RP1: variants seen among roughly 807,000 people sequenced by gnomAD.
The protein encoded by RP1 is RP1 axonemal microtubule associated.
In RP1, 16 loss-of-function variants were observed where a neutral mutation model predicts 14.8. The ratio of observed to expected loss-of-function variants is 1.08; its 90% CI spans 0.73 to 1.65. The LOEUF (loss-of-function observed/expected upper bound fraction) is 1.65. RP1 is among the 40% of genes most tolerant of loss of function. The probability of loss-of-function intolerance (pLI) is 0.00; values close to 1 mark genes in which losing one functional copy is unlikely to be tolerated. For missense variants in RP1, 2,631 were observed against 2,535.0 expected, an observed-to-expected ratio of 1.04 and a Z score of -0.81; for synonymous variants, 876 against 883.6, an observed-to-expected ratio of 0.99 and a Z score of 0.15.
intron 3 of RP1, among the ~76,000 whole-genome samples, chr8:54,640,797 T>C (rs1237275994): frequency 6.6e-6 from 1 of 152,194 alleles, no homozygotes; most frequent in Non-Finnish European, 1.5e-5. Flanking sequence ...TATCTTATAC[T>C]ACTTAGAAGT....
chr8:54,618,637 C>A (rs1276191656), intron 1 of RP1, among the ~76,000 whole-genome samples: 3 of 152,072 alleles, frequency 2.0e-5, no homozygotes, highest in Admixed American at 2.0e-4. Flanking sequence ...AGACAGAGTT[C>A]TAAAGTCTTA....
chr8:54,725,512 T>A (rs570783029), intron 16 of RP1, among the ~76,000 whole-genome samples: 6 of 152,324 alleles, frequency 3.9e-5, no homozygotes, highest in African/African-American at 1.4e-4. Context: ...CTCTGTGTGA[T>A]AAGTGTCGCT....
chr8:54,842,831 T>G (rs1384111445), intron 25 of RP1, among the ~76,000 whole-genome samples: 1 of 152,156 alleles, frequency 6.6e-6, no homozygotes, highest in Admixed American at 6.5e-5. Context: ...CCCTCGTGGC[T>G]CTGGCTTGCA....
At chr8:54,670,674 TATATATA>T (rs1807155850) in intron 7 of RP1, among the ~76,000 whole-genome samples, 2 of 13,456 alleles carry the variant, frequency 1.5e-4, no homozygotes, top group Non-Finnish European at 2.4e-4. Flanking sequence ...TATGTTTTTA[TATATATA>T]TATATATATA....
chr8:54,701,208 T>C (rs1386703709), intron 13 of RP1, among the ~76,000 whole-genome samples: 1 of 152,178 alleles, frequency 6.6e-6, no homozygotes, highest in Non-Finnish European at 1.5e-5. Flanking sequence ...AATGATAAGA[T>C]ACATATTAGG....
In RP1 at chr8:54,621,552, G is replaced by T; in HGVS notation, c.586G>T (p.Val196Phe). ...GACAGAGGTCATGCAGCGCCCTGTG[G>T]TCAAGCTGTACGCTACGGACGGAAG... The part of the protein sequence containing the change: ...HLTEVMQRPV[V>F]KLYATDGRRV... The change falls in exon 2 of 4, where the codon GTC (valine) becomes TTC (phenylalanine). Residue 196 changes from valine (V) to phenylalanine (F), a missense_variant. Physicochemically the swap from Val to Phe is conservative, Grantham distance 50. Coordinates refer to ENST00000220676, the MANE Select transcript of RP1 (RefSeq NM_006269.2). 6.2e-7 allele frequency: 1 copy of T among 1,614,208 alleles called. No individual in the cohort carries two copies. The highest frequency in any genetic ancestry group is 8.5e-7 in the Non-Finnish European group (1 of 1,180,034).
chr8:54,603,552 T>C (rs901238796), intron 1 of RP1, among the ~76,000 whole-genome samples: 9 of 144,390 alleles, frequency 6.2e-5, no homozygotes, highest in African/African-American at 2.2e-4. Flanking sequence ...AACTTGAAAG[T>C]AGTTTTTTCC....
At chr8:54,820,785 G>C (rs1220148939) in intron 24 of RP1, among the ~76,000 whole-genome samples, 1 of 152,094 alleles carries the variant, frequency 6.6e-6, no homozygotes, top group Non-Finnish European at 1.5e-5. Context: ...TTCTTGTGTG[G>C]CTGGTTGTTC....
chr8:54,654,751 G>A (rs541723425), intron 5 of RP1, among the ~76,000 whole-genome samples: 10 of 152,110 alleles, frequency 6.6e-5, no homozygotes, highest in African/African-American at 2.2e-4. Context: ...AGGCTCAAGC[G>A]ATCCTCCCAC....
rs1455195002 is a variant in RP1 at position 54,783,766 on chromosome 8, C to T, written c.3615+56C>T. 4.1e-5 allele frequency: 45 copies of T among 1,110,284 alleles called. No individual in the cohort carries two copies. The East Asian group carries it at 8.7e-4, about 21-fold the overall frequency. 68.8% of individuals were successfully genotyped at this position (1,110,284 alleles called of 1,614,324 possible). A position where few individuals can be genotyped will look rare whatever the true frequency, so the allele number is the denominator to read the frequency against. On this transcript the variant is annotated intron_variant, in intron 24 of 28. Transcript: ENST00000637698. ...TAAGATATATTGTGATATACATCCC[C>T]GAAGATGAAATGGAGTGTAATTTTT... is the stretch of plus-strand genomic sequence containing the variant.
chr8:54,626,708 G>GA lies in RP1; in HGVS notation c.2827dup (p.Ser943LysfsTer6). On this transcript the variant is annotated frameshift_variant, in exon 4 of 4. Coordinates refer to ENST00000220676, the MANE Select transcript of RP1 (RefSeq NM_006269.2). LOFTEE classifies it low-confidence loss of function (END_TRUNC). ...CAGCTCCAGTATGTAGAAATGAAACGAGTGTGGTAAATTGTAGCAATAATA... is the reference window on the plus strand; with the variant it reads ...CAGCTCCAGTATGTAGAAATGAAACGAAGTGTGGTAAATTGTAGCAATAATA... The GA allele has an allele frequency of 1.2e-6, 2 of 1,613,910 alleles. No homozygotes were observed. Among genetic ancestry groups the GA allele is most frequent in the Non-Finnish European group, 1.7e-6 (2 of 1,179,932 alleles).
At chr8:54,778,566 G>A (rs539959243) in intron 23 of RP1, among the ~76,000 whole-genome samples, 39 of 151,972 alleles carry the variant, frequency 2.6e-4, no homozygotes, top group South Asian at 1.2e-3. Context: ...CTTGTGATCC[G>A]CCCACCTCGG....
intron 1 of RP1, among the ~76,000 whole-genome samples, chr8:54,586,803 G>T (rs1490146469): frequency 6.6e-6 from 1 of 152,234 alleles, no homozygotes; most frequent in Non-Finnish European, 1.5e-5. Flanking sequence ...CCAGGTGCGG[G>T]ATATAATCTC....
chr8:54,783,976 A>G (rs1355733051), intron 24 of RP1, among the ~76,000 whole-genome samples: 2 of 152,174 alleles, frequency 1.3e-5, no homozygotes, highest in Non-Finnish European at 2.9e-5. Context: ...TTAGAGTGGA[A>G]TAATTTACTA....
chr8:54,599,247 G>A (rs1805217187), intron 1 of RP1, among the ~76,000 whole-genome samples: 2 of 151,906 alleles, frequency 1.3e-5, no homozygotes, highest in African/African-American at 4.8e-5. Flanking sequence ...CCCACTCATT[G>A]TGTTTTAAAA....
chr8:54,747,679 T>A (rs1809261467), intron 19 of RP1, among the ~76,000 whole-genome samples: 1 of 152,160 alleles, frequency 6.6e-6, no homozygotes, highest in Admixed American at 6.5e-5. Flanking sequence ...GGCCAGAGGA[T>A]CTCTTGAGCC....
At chr8:54,602,893 T>C (rs368010897) in intron 1 of RP1, among the ~76,000 whole-genome samples, 1 of 152,204 alleles carries the variant, frequency 6.6e-6, no homozygotes, top group Non-Finnish European at 1.5e-5. Flanking sequence ...TGTTTGTTTT[T>C]TTCTTGTAAA....
chr8:54,560,517 C>G (rs2129289748), intron 1 of RP1: 1 of 152,064 alleles, frequency 6.6e-6, no homozygotes, highest in East Asian at 2.0e-4. Flanking sequence ...TCACTTAGTG[C>G]TCTATCTGCT....
At chr8:54,659,896 G>A (rs899991610) in intron 6 of RP1, among the ~76,000 whole-genome samples, 2 of 152,012 alleles carry the variant, frequency 1.3e-5, no homozygotes, top group African/African-American at 2.4e-5. Context: ...TTTTAACAAC[G>A]TTTTGTAGTT....
Sources: gnomAD v4.1 joint callset for allele counts (sites outside exome capture counted in the v4.1 genomes callset) on GRCh38, gnomAD v4.1.1 for gene constraint, MANE v1.5 for transcripts, NCBI Gene and HGNC (gene_info 2026-07-23, HGNC 2026-07-21) for gene names.